Variants in AGAP1 observed in about 807,000 individuals in gnomAD.
AGAP1 encodes ArfGAP with GTPase domain, ankyrin repeat and PH domain 1, also known as arf-GAP with GTPase, ANK repeat and PH domain-containing protein 1.
Under a neutral mutation model 105.3 loss-of-function variants are expected in AGAP1, and 29 were observed. That is an observed-to-expected ratio of 0.28 (90% CI 0.21 to 0.38). The LOEUF (loss-of-function observed/expected upper bound fraction) is 0.38, where lower values mean the gene tolerates loss of function less well. Among genes scored for constraint, AGAP1 ranks in the 10% least tolerant of loss-of-function variants. The pLI is 1.00. For synonymous variants in AGAP1, 509 were observed against 485.9 expected (o/e 1.05, Z -0.63); for missense variants, 998 against 1,165.1 (o/e 0.86, Z 2.09).
intron 10 of AGAP1, among the ~76,000 whole-genome samples, chr2:235,903,079 T>C (rs1452127389): frequency 6.6e-6 from 1 of 152,180 alleles, no homozygotes; most frequent in East Asian, 1.9e-4. Flanking sequence ...TGTATCTGAA[T>C]TGTTTTGAAA....
At chr2:235,710,591 G>A (rs1242563164) in intron 2 of AGAP1, among the ~76,000 whole-genome samples, 1 of 152,202 alleles carries the variant, frequency 6.6e-6, no homozygotes, top group Non-Finnish European at 1.5e-5. Flanking sequence ...TGCTGTCTCA[G>A]AAGCCTGGGG....
Position 235,883,371 on chromosome 2 carries a change from A to G in AGAP1, c.1077A>G (p.Lys359=), listed in dbSNP as rs1400624191. 11 of 1,613,884 alleles carry G rather than the reference A, an allele frequency of 6.8e-6. No homozygotes were observed. The highest frequency in any genetic ancestry group is 1.6e-4 in the Middle Eastern group (1 of 6,084). Residue 359 remains lysine, a synonymous_variant, in exon 10 of 18, where the codon AAA becomes AAG. Transcript: ENST00000304032. The surrounding 1 kb of genome is among the most constrained non-coding windows in gnomAD (Gnocchi z 4.5). The part of the protein sequence containing the change: ...KQGMLLKRSG[K]SLNKEWKKKY... Reference sequence around the variant, plus strand: ...GCATGCTGTTGAAGCGAAGTGGCAAATCGTTGAATAAAGAGTGGAAAAAGA... The same window carrying G: ...GCATGCTGTTGAAGCGAAGTGGCAAGTCGTTGAATAAAGAGTGGAAAAAGA...
rs147769657 is a variant in AGAP1, at chr2:236,105,377, G to C, written c.2115-14815G>C. On this transcript the variant is annotated intron_variant, in intron 16 of 17. Transcript: ENST00000304032. The surrounding 1 kb of genome is among the most constrained non-coding windows in gnomAD (Gnocchi z 4.2). ...GACAAAGGCTCTGTGAGCTGTGCCT[G>C]CTGTAACAAAATACACAACAGAAAG... is the stretch of plus-strand genomic sequence containing the variant. 7.7e-3 allele frequency among the ~76,000 whole-genome samples: 1,175 copies of C among 152,154 alleles called. 14 individuals are homozygous for C. Among genetic ancestry groups the C allele is most frequent in the African/African-American group, 0.027 (1,106 of 41,518 alleles).
rs560005778 is a variant in AGAP1 at position 235,806,316 on chromosome 2, T to C, written c.958-923T>C. Among the ~76,000 whole-genome samples, 4 of 152,338 alleles carry C rather than the reference T, an allele frequency of 2.6e-5. No homozygotes were observed. In the East Asian group the frequency reaches 7.7e-4, roughly 29 times the overall value. On this transcript the variant is annotated intron_variant, in intron 8 of 17. Coordinates refer to ENST00000304032, the MANE Select transcript of AGAP1 (RefSeq NM_001037131.3). ...ATTGAAAAGTAATGGAGTGAAGTTG[T>C]CACTTGTCAGCACAGTTATTAAGGA...
At chr2:235,637,283 T>A (rs1004388246) in intron 1 of AGAP1, among the ~76,000 whole-genome samples, 46 of 152,164 alleles carry the variant, frequency 3.0e-4, no homozygotes, top group African/African-American at 4.6e-4. Context: ...TGACTTTTTT[T>A]AAAAGACAGA....
intron 8 of AGAP1, among the ~76,000 whole-genome samples, chr2:235,807,015 T>C (rs1957869963): frequency 6.6e-6 from 1 of 152,226 alleles, no homozygotes; most frequent in African/African-American, 2.4e-5. Context: ...AAGATAATTC[T>C]GTGGTGGAAA....
intron 9 of AGAP1, among the ~76,000 whole-genome samples, chr2:235,821,267 A>G (rs1958771320): frequency 1.3e-5 from 2 of 152,256 alleles, no homozygotes; most frequent in South Asian, 4.1e-4. Context: ...AAAGCATAAA[A>G]CATAAAACTG....
rs1286254653 is a variant in AGAP1, at chr2:235,931,771, C to A, written c.1483+848C>A. On this transcript the variant is annotated intron_variant, in intron 12 of 17. Transcript: ENST00000304032. This position sits in a 1 kb window ranked among gnomAD's most constrained non-coding sequence, Gnocchi z 5.6. ...CTTTGGGTAAACATCATCCTTATTTCTAGTGGCTCCGCAGACGCCACCAAG... is the reference window on the plus strand; with the variant it reads ...CTTTGGGTAAACATCATCCTTATTTATAGTGGCTCCGCAGACGCCACCAAG... 6.6e-6 allele frequency among the ~76,000 whole-genome samples: 1 copy of A among 152,020 alleles called. No homozygotes were observed. Among genetic ancestry groups the A allele is most frequent in the Non-Finnish European group, 1.5e-5 (1 of 68,026 alleles).
At chr2:235,907,559 G>A (rs961934481) in intron 10 of AGAP1, among the ~76,000 whole-genome samples, 1 of 152,148 alleles carries the variant, frequency 6.6e-6, no homozygotes, top group African/African-American at 2.4e-5. Flanking sequence ...CAAAGAAAGA[G>A]CATATTTATT....
chr2:235,572,490 A>G (rs1944561299), intron 1 of AGAP1, among the ~76,000 whole-genome samples: 1 of 151,926 alleles, frequency 6.6e-6, no homozygotes, highest in Admixed American at 6.6e-5. Context: ...TGTCCTCTAG[A>G]TGTCCTGCCT....
Position 235,740,521 on chromosome 2 carries a change from G to T in AGAP1, c.311-442G>T, listed in dbSNP as rs1952519338. ...CCCTTTCAAGAACTGGGTTTCTCTT[G>T]AGGAGAATACAGGTTCTCGGCCCTG... On this transcript the variant is annotated intron_variant, in intron 3 of 17. Transcript: ENST00000304032. The surrounding 1 kb of genome is among the most constrained non-coding windows in gnomAD (Gnocchi z 5.7). Among the ~76,000 whole-genome samples the T allele has an allele frequency of 1.3e-5, 2 of 152,208 alleles. No homozygotes were observed. The highest frequency in any genetic ancestry group is 4.1e-4 in the South Asian group (2 of 4,824).
At chr2:236,016,165 G>T (rs1356409621) in intron 13 of AGAP1, among the ~76,000 whole-genome samples, 1 of 151,844 alleles carries the variant, frequency 6.6e-6, no homozygotes, top group East Asian at 1.9e-4. Flanking sequence ...AGATACCAGT[G>T]GAGCTTGGCC....
intron 6 of AGAP1, among the ~76,000 whole-genome samples, chr2:235,764,087 TGTG>T (rs1257685538): frequency 4.3e-5 from 5 of 115,696 alleles, no homozygotes; most frequent in Non-Finnish European, 9.7e-5. Flanking sequence ...GGCTGTGACA[TGTG>T]GAGGCGAACT....
chr2:236,115,718 C>T (rs13383138), intron 16 of AGAP1, among the ~76,000 whole-genome samples: 15,096 of 152,286 alleles, frequency 0.099, 840 homozygotes, highest in Middle Eastern at 0.17. Flanking sequence ...GTGGCTGCCC[C>T]AACTCCCTGG....
chr2:235,841,815 G>T (rs1268543102), intron 9 of AGAP1, among the ~76,000 whole-genome samples: 3 of 152,112 alleles, frequency 2.0e-5, no homozygotes, highest in Non-Finnish European at 4.4e-5. Flanking sequence ...GTTGCTGAGA[G>T]CATAAGTTAT....
rs2059022348 is a variant in AGAP1 at position 236,090,144 on chromosome 2, C to T, written c.2115-30048C>T. ...GCCCTTCACAGAGACCGGCCGTGTCCTCACCCCTCTGTCACCATTGTGGGC... is the reference window on the plus strand; with the variant it reads ...GCCCTTCACAGAGACCGGCCGTGTCTTCACCCCTCTGTCACCATTGTGGGC... On this transcript the variant is annotated intron_variant, in intron 16 of 17. Transcript: ENST00000304032. This position sits in a 1 kb window ranked among gnomAD's most constrained non-coding sequence, Gnocchi z 4.3. 6.6e-6 allele frequency among the ~76,000 whole-genome samples: 1 copy of T among 152,190 alleles called. No individual in the cohort carries two copies. The highest frequency in any genetic ancestry group is 2.4e-5 in the African/African-American group (1 of 41,444).
At chr2:235,819,677 C>T (rs1381252968) in intron 9 of AGAP1, among the ~76,000 whole-genome samples, 1 of 151,980 alleles carries the variant, frequency 6.6e-6, no homozygotes, top group Non-Finnish European at 1.5e-5. Flanking sequence ...CTCCGATGCC[C>T]GTCCGATCTT....
At chr2:235,650,030 T>G (rs1947528218) in intron 1 of AGAP1, among the ~76,000 whole-genome samples, 2 of 152,324 alleles carry the variant, frequency 1.3e-5, no homozygotes, top group Admixed American at 1.3e-4. Context: ...TCTTTATGAT[T>G]AGATGGTGAT....
rs980782383 is a variant in AGAP1, at chr2:235,964,901, G to A, written c.1484-3561G>A. Among the ~76,000 whole-genome samples, 8 of 152,172 alleles carry A rather than the reference G, an allele frequency of 5.3e-5. No homozygotes were observed. The highest frequency in any genetic ancestry group is 1.2e-4 in the Non-Finnish European group (8 of 68,040). ...TACGTGGTGCTTAAATGGAGAGCAG[G>A]CAGTCATGGAGCGGCTTTGTGAAAA... On this transcript the variant is annotated intron_variant, in intron 12 of 17. Transcript: ENST00000304032. This position sits in a 1 kb window ranked among gnomAD's most constrained non-coding sequence, Gnocchi z 4.6.
Sources: allele counts gnomAD v4.1 joint callset (sites outside exome capture counted in the v4.1 genomes callset), GRCh38; gene constraint gnomAD v4.1.1; non-coding constraint Gnocchi (gnomAD v3.1); transcripts MANE v1.5; gene names NCBI Gene and HGNC (gene_info 2026-07-23, HGNC 2026-07-21).